CDKAL1: variants seen among roughly 807,000 people sequenced by gnomAD.
The protein encoded by CDKAL1 is CDKAL1 threonylcarbamoyladenosine tRNA methylthiotransferase.
Under a neutral mutation model 68.2 loss-of-function variants are expected in CDKAL1, and 32 were observed. The ratio of observed to expected loss-of-function variants is 0.47; its 90% CI spans 0.35 to 0.63. The LOEUF (loss-of-function observed/expected upper bound fraction) is 0.63, where lower values mean the gene tolerates loss of function less well. CDKAL1 is among the 30% of genes least tolerant of loss of function. The pLI is 0.00. For missense variants in CDKAL1, 606 were observed against 696.7 expected (o/e 0.87, Z 1.47); for synonymous variants, 234 against 244.3 (o/e 0.96, Z 0.39).
At chr6:21,118,584 G>A (rs1774541270) in intron 13 of CDKAL1, among the ~76,000 whole-genome samples, 1 of 152,202 alleles carries the variant, frequency 6.6e-6, no homozygotes, top group African/African-American at 2.4e-5. Context: ...TAGAAGACAT[G>A]ATTACAGTTA....
intron 13 of CDKAL1, among the ~76,000 whole-genome samples, chr6:21,142,322 A>T (rs550319809): frequency 6.6e-6 from 1 of 152,018 alleles, no homozygotes; most frequent in South Asian, 2.1e-4. Context: ...ATGAAAAAAA[A>T]AAAAAAAAAT....
chr6:20,556,038 G>C (rs1335786956), intron 4 of CDKAL1, among the ~76,000 whole-genome samples: 1 of 152,008 alleles, frequency 6.6e-6, no homozygotes, highest in African/African-American at 2.4e-5. Flanking sequence ...TGGTCAGTCT[G>C]TTAATTTCAG....
chr6:21,217,050 A>AT (rs34055473), intron 15 of CDKAL1, among the ~76,000 whole-genome samples: 2 of 151,708 alleles, frequency 1.3e-5, no homozygotes, highest in Admixed American at 1.3e-4. Context: ...GATATTGCTC[A>AT]TTTTTTTTAC....
chr6:20,817,735 G>A (rs1777104553), intron 8 of CDKAL1, among the ~76,000 whole-genome samples: 2 of 152,062 alleles, frequency 1.3e-5, no homozygotes, highest in Admixed American at 1.3e-4. Flanking sequence ...TAGTGATATG[G>A]TGTCTTCTAC....
chr6:20,986,190 C>A (rs1170882532), intron 10 of CDKAL1, among the ~76,000 whole-genome samples: 1 of 152,078 alleles, frequency 6.6e-6, no homozygotes. Flanking sequence ...TTTCTTCCTT[C>A]GTTTTTGAGG....
Position 20,694,064 on chromosome 6 carries a change from G to A in CDKAL1, c.371+44687G>A, listed in dbSNP as rs140142406. On this transcript the variant is annotated intron_variant, in intron 5 of 15. Transcript: ENST00000274695. ...ACTTTGTGTGTGTGTGTGTGTGTAT[G>A]TGTGTGTGTGTGTGTGTGTGTGTGT... Among the ~76,000 whole-genome samples, 368 of 38,902 alleles carry A rather than the reference G, an allele frequency of 9.5e-3. 2 individuals carry two copies. The highest frequency in any genetic ancestry group is 0.052 in the South Asian group (42 of 810). The allele number at this position is 38,902 out of a possible 152,430, so 25.5% of individuals were successfully genotyped here.
At chr6:20,722,915 G>A (rs568894553) in intron 5 of CDKAL1, among the ~76,000 whole-genome samples, 6 of 152,112 alleles carry the variant, frequency 3.9e-5, no homozygotes, top group East Asian at 3.9e-4. Flanking sequence ...GATGACCTGC[G>A]CTTCCCATCC....
rs370579247 is a variant in CDKAL1 at position 21,168,577 on chromosome 6, C to T, written c.1300-29444C>T. On this transcript the variant is annotated intron_variant, in intron 13 of 15. Transcript: ENST00000274695. ...GTCTTACAAATCAGAAAGTAATACA[C>T]CACAATTGGGAAAAGTGGAAGGGTA... 1.4e-4 allele frequency among the ~76,000 whole-genome samples: 21 copies of T among 152,230 alleles called. 1 individual carries two copies. The highest frequency in any genetic ancestry group is 5.1e-4 in the African/African-American group (21 of 41,548).
chr6:20,964,906 G>A (rs1425875945), intron 10 of CDKAL1, among the ~76,000 whole-genome samples: 3 of 152,068 alleles, frequency 2.0e-5, no homozygotes, highest in Non-Finnish European at 2.9e-5. Context: ...AGTGACACAC[G>A]GATATTTGTT....
At chr6:20,982,912 A>G (rs1236206042) in intron 10 of CDKAL1, among the ~76,000 whole-genome samples, 1 of 152,212 alleles carries the variant, frequency 6.6e-6, no homozygotes, top group Non-Finnish European at 1.5e-5. Flanking sequence ...TGGCTTCCCA[A>G]ATGGAACTTT....
intron 5 of CDKAL1, among the ~76,000 whole-genome samples, chr6:20,705,392 G>A (rs1013619526): frequency 6.6e-6 from 1 of 152,120 alleles, no homozygotes; most frequent in Admixed American, 6.5e-5. Context: ...GGCATAATAA[G>A]ATTATTACTT....
At chr6:20,796,485 A>T (rs1189847673) in intron 8 of CDKAL1, among the ~76,000 whole-genome samples, 1 of 152,190 alleles carries the variant, frequency 6.6e-6, no homozygotes, top group African/African-American at 2.4e-5. Context: ...GGAGAAATGG[A>T]TGCTAAATTT....
chr6:20,659,657 C>T (rs1331352904), intron 5 of CDKAL1, among the ~76,000 whole-genome samples: 2 of 152,116 alleles, frequency 1.3e-5, no homozygotes, highest in African/African-American at 4.8e-5. Flanking sequence ...TGTATATCTC[C>T]TTACAGGCTC....
intron 9 of CDKAL1, among the ~76,000 whole-genome samples, chr6:20,877,680 A>T (rs752363857): frequency 6.6e-6 from 1 of 152,222 alleles, no homozygotes; most frequent in Non-Finnish European, 1.5e-5. Flanking sequence ...ACTCATGCAC[A>T]CATGACTCAT....
chr6:21,119,523 G>A (rs1215622079), intron 13 of CDKAL1, among the ~76,000 whole-genome samples: 7 of 152,110 alleles, frequency 4.6e-5, no homozygotes, highest in African/African-American at 1.7e-4. Flanking sequence ...TCTGTTGATT[G>A]GAGAAATTAA....
chr6:20,568,043 T>G lies in CDKAL1; in HGVS notation c.286+19338T>G, dbSNP rs111980721. 1.7e-3 allele frequency among the ~76,000 whole-genome samples: 254 copies of G among 152,154 alleles called. 2 individuals carry two copies. Among genetic ancestry groups the G allele is most frequent in the African/African-American group, 5.8e-3 (239 of 41,530 alleles). On this transcript the variant is annotated intron_variant, in intron 4 of 15. Coordinates refer to ENST00000274695, the MANE Select transcript of CDKAL1 (RefSeq NM_017774.3). ...GGCGCCTGCCACCACGCCCGGCTAA[T>G]TTTTTTGTACTTTTAGTAGAGACGG...
chr6:21,198,235 G>GC (rs1437272317), intron 14 of CDKAL1, 131 bp downstream of exon 14: 3 of 592,414 alleles, frequency 5.1e-6, no homozygotes. Flanking sequence ...CTTCAAGCCA[G>GC]CCAGGCTAAC....
chr6:21,114,800 AT>A (rs1774324809), intron 13 of CDKAL1, among the ~76,000 whole-genome samples: 1 of 152,172 alleles, frequency 6.6e-6, no homozygotes, highest in South Asian at 2.1e-4. Context: ...GAGTGGGATA[AT>A]TTTAAGTAGT....
chr6:20,598,986 C>T (rs1363249148), intron 4 of CDKAL1, among the ~76,000 whole-genome samples: 1 of 151,860 alleles, frequency 6.6e-6, no homozygotes, highest in Non-Finnish European at 1.5e-5. Flanking sequence ...TTTTCTGCTA[C>T]TGTGGTGTAT....
Sources: allele counts gnomAD v4.1 joint callset (sites outside exome capture counted in the v4.1 genomes callset), GRCh38; gene constraint gnomAD v4.1.1; transcripts MANE v1.5; gene names NCBI Gene and HGNC (gene_info 2026-07-23, HGNC 2026-07-21).